Variants in MAPK10 observed in about 807,000 individuals in gnomAD.
The protein encoded by MAPK10 is mitogen-activated protein kinase 10, also known as JNK3 alpha protein kinase.
Under a neutral mutation model 59.3 loss-of-function variants are expected in MAPK10, and 25 were observed. The ratio of observed to expected loss-of-function variants is 0.42; its 90% CI spans 0.31 to 0.59. The LOEUF is 0.59. MAPK10 is among the 20% of genes least tolerant of loss of function. The pLI is 0.15. For synonymous variants in MAPK10, 190 were observed against 200.5 expected, an observed-to-expected ratio of 0.95 and a Z score of 0.44; for missense variants, 351 against 568.9, an observed-to-expected ratio of 0.62 and a Z score of 3.90.
intron 1 of MAPK10, among the ~76,000 whole-genome samples, chr4:86,467,840 C>T (rs1752339804): frequency 6.6e-6 from 1 of 152,144 alleles, no homozygotes. Flanking sequence ...AAGAAGTCCC[C>T]AATACCAACC....
At chr4:86,563,803 A>C (rs1760857286) in intron 1 of MAPK10, among the ~76,000 whole-genome samples, 1 of 152,178 alleles carries the variant, frequency 6.6e-6, no homozygotes, top group South Asian at 2.1e-4. Context: ...CGATTTCATC[A>C]TGCTACTAAG....
At chr4:86,468,520 A>G (rs997732048) in intron 1 of MAPK10, among the ~76,000 whole-genome samples, 1 of 152,240 alleles carries the variant, frequency 6.6e-6, no homozygotes, top group Non-Finnish European at 1.5e-5. Context: ...AAGGTGAAAC[A>G]GAATAGTTTT....
intron 2 of MAPK10, among the ~76,000 whole-genome samples, chr4:86,347,069 G>GTTAAGCAAAAAGCTTAAAAA (rs1728681219): frequency 6.6e-6 from 1 of 152,130 alleles, no homozygotes; most frequent in Non-Finnish European, 1.5e-5. Context: ...GAGCTTAAAA[G>GTTAAGCAAAAAGCTTAAAAA]TCAGTCTCAG....
chr4:86,345,611 G>A (rs561719765), intron 2 of MAPK10, among the ~76,000 whole-genome samples: 1 of 152,234 alleles, frequency 6.6e-6, no homozygotes, highest in East Asian at 1.9e-4. Context: ...TCATGACATA[G>A]CTGGGATAAA....
chr4:86,516,629 T>TG (rs1242342964), intron 1 of MAPK10, among the ~76,000 whole-genome samples: 6 of 132,964 alleles, frequency 4.5e-5, no homozygotes, highest in East Asian at 2.0e-4. Context: ...TAAGGGTTTT[T>TG]TTGTTGTTGT....
chr4:86,237,627 T>C (rs2092370855), intron 2 of MAPK10, among the ~76,000 whole-genome samples: 1 of 152,240 alleles, frequency 6.6e-6, no homozygotes, highest in African/African-American at 2.4e-5. Flanking sequence ...CTTTTTTTCA[T>C]ATGTTTCTTG....
intron 2 of MAPK10, among the ~76,000 whole-genome samples, chr4:86,346,488 C>T (rs1191903299): frequency 1.3e-5 from 2 of 152,164 alleles, no homozygotes; most frequent in African/African-American, 4.8e-5. Context: ...GGCCTAACTA[C>T]ATTTTCAAAC....
At chr4:86,481,295 C>A (rs1406695250) in intron 1 of MAPK10, among the ~76,000 whole-genome samples, 1 of 152,040 alleles carries the variant, frequency 6.6e-6, no homozygotes, top group Non-Finnish European at 1.5e-5. Flanking sequence ...ATCAGAGAGA[C>A]CTTGCTTCAG....
chr4:86,426,403 C>T (rs1579175093), intron 1 of MAPK10, among the ~76,000 whole-genome samples: 1 of 152,214 alleles, frequency 6.6e-6, no homozygotes, highest in East Asian at 1.9e-4. Flanking sequence ...GTAAATGAAA[C>T]ATTTTATTAC....
chr4:86,591,334 C>T (rs575686389), intron 1 of MAPK10, among the ~76,000 whole-genome samples: 3 of 152,204 alleles, frequency 2.0e-5, no homozygotes, highest in African/African-American at 7.2e-5. Flanking sequence ...TATGATAATA[C>T]ATGAGAAAGC....
At chr4:86,098,671 G>T in intron 8 of MAPK10, 76 bp from the exon 9 acceptor site, 1 of 1,196,290 alleles carries the variant, frequency 8.4e-7, no homozygotes, top group Non-Finnish European at 1.2e-6. Context: ...TTCTGAAGGA[G>T]GAGGAAAAAG....
chr4:86,327,641 T>C (rs2096057743), intron 2 of MAPK10: 1 of 151,846 alleles, frequency 6.6e-6, no homozygotes, highest in Non-Finnish European at 1.5e-5. Flanking sequence ...CTACTACACA[T>C]TTTAAATATT....
intron 1 of MAPK10, among the ~76,000 whole-genome samples, chr4:86,586,098 A>G (rs966087408): frequency 6.6e-6 from 1 of 152,234 alleles, no homozygotes; most frequent in African/African-American, 2.4e-5. Flanking sequence ...GGATTAGAGC[A>G]TATTCACATT....
chr4:86,436,518 T>C (rs1310808241), intron 1 of MAPK10, among the ~76,000 whole-genome samples: 1 of 152,180 alleles, frequency 6.6e-6, no homozygotes, highest in East Asian at 1.9e-4. Flanking sequence ...CTTTTTTTGA[T>C]GTATTTTTTA....
intron 1 of MAPK10, among the ~76,000 whole-genome samples, chr4:86,377,217 G>A (rs1407588305): frequency 3.3e-5 from 5 of 152,164 alleles, no homozygotes; most frequent in Non-Finnish European, 7.4e-5. Context: ...AAGACATCCA[G>A]GTTCTCTGTG....
chr4:86,409,472 A>G (rs1232516435), intron 1 of MAPK10, among the ~76,000 whole-genome samples: 1 of 152,166 alleles, frequency 6.6e-6, no homozygotes, highest in Non-Finnish European at 1.5e-5. Flanking sequence ...ATAGCATTGA[A>G]TCTATGAATT....
chr4:86,308,006 G>T (rs1413501229), intron 2 of MAPK10, among the ~76,000 whole-genome samples: 1 of 152,144 alleles, frequency 6.6e-6, no homozygotes, highest in Non-Finnish European at 1.5e-5. Context: ...AAACTATAAA[G>T]TGAACCAACA....
At chr4:86,114,337 C>A (rs757113871) in intron 4 of MAPK10, among the ~76,000 whole-genome samples, 4 of 152,178 alleles carry the variant, frequency 2.6e-5, no homozygotes, top group South Asian at 2.1e-4. Context: ...TTGATTCTTT[C>A]AAATCTTCAT....
intron 11 of MAPK10, among the ~76,000 whole-genome samples, chr4:86,049,206 G>C (rs2043067277): frequency 6.6e-6 from 1 of 151,944 alleles, no homozygotes. Flanking sequence ...AAGAATCATT[G>C]CTTTAATATA....
Sources: gnomAD v4.1 joint callset for allele counts (sites outside exome capture counted in the v4.1 genomes callset) on GRCh38, gnomAD v4.1.1 for gene constraint, MANE v1.5 for transcripts, NCBI Gene and HGNC (gene_info 2026-07-23, HGNC 2026-07-21) for gene names.